The following NCOA6 variants were observed in gnomAD, a reference collection of about 807,000 sequenced individuals.
NCOA6 encodes NRC RAP250.
NCOA6 carries 49 observed loss-of-function variants against 171.4 expected under a neutral mutation model. The ratio of observed to expected loss-of-function variants is 0.29; its 90% CI spans 0.23 to 0.36. The LOEUF is 0.36. Ranked by LOEUF, NCOA6 falls within the 10% of genes least tolerant of loss-of-function variation. The pLI, the probability that NCOA6 is intolerant of heterozygous loss-of-function variation, is 1.00. For synonymous variants in NCOA6, 910 were observed against 927.5 expected (o/e 0.98, Z 0.34); for missense variants, 2,248 against 2,554.5 (o/e 0.88, Z 2.59).
At chr20:34,722,312 C>T (rs1011590336) in intron 14 of NCOA6, among the ~76,000 whole-genome samples, 3 of 151,100 alleles carry the variant, frequency 2.0e-5, no homozygotes, top group East Asian at 2.0e-4. Context: ...ACCTGGGAGG[C>T]GGAGGTTGCA....
rs758304075 is a variant in NCOA6 at position 34,743,235 on chromosome 20, T to G, written c.3021A>C (p.Pro1007=). 1.2e-5 allele frequency: 20 copies of G among 1,614,050 alleles called. No individual in the cohort carries two copies. Among genetic ancestry groups the G allele is most frequent in the Middle Eastern group, 1.7e-4 (1 of 6,056 alleles). The stretch of plus-strand genomic sequence containing the variant: ...GTGGCTGCTGCTGCTGAGGCAGTTG[T>G]GGCTGTGGCTGCTGCTGTGGTGGCT... The part of the protein sequence containing the change: ...PPQPPQQQPQ[P]QLPQQQQPPP... The change falls in exon 11 of 15, where the codon CCA becomes CCC. Residue 1007 remains proline, a synonymous_variant. Coordinates refer to ENST00000359003, the MANE Select transcript of NCOA6 (RefSeq NM_014071.5).
rs113681744 is a variant in NCOA6, at chr20:34,732,868, T to C, written c.5963-273A>G. ...AAGTTCACCCTTCCTTGTTCATATTTCATCCAGTTACAACCAGGTTAGCAA... is the reference window on the plus strand; with the variant it reads ...AAGTTCACCCTTCCTTGTTCATATTCCATCCAGTTACAACCAGGTTAGCAA... On this transcript the variant is annotated intron_variant, in intron 12 of 14. Coordinates refer to ENST00000359003, the MANE Select transcript of NCOA6 (RefSeq NM_014071.5). 4.2e-4 allele frequency: 122 copies of C among 288,872 alleles called. 2 individuals carry two copies. Among genetic ancestry groups the C allele is most frequent in the African/African-American group, 2.3e-3 (104 of 45,914 alleles). The allele number at this position is 288,872 out of a possible 1,614,324, so 17.9% of individuals were successfully genotyped here.
Position 34,740,529 on chromosome 20 carries a change from A to G in NCOA6, c.5727T>C (p.Ala1909=), listed in dbSNP as rs1374725857. 6.2e-7 allele frequency: 1 copy of G among 1,613,940 alleles called. No homozygotes were observed. The highest frequency in any genetic ancestry group is 8.5e-7 in the Non-Finnish European group (1 of 1,179,850). Residue 1909 remains alanine, a synonymous_variant, in exon 11 of 15, where the codon GCT becomes GCC. Coordinates refer to ENST00000359003, the MANE Select transcript of NCOA6 (RefSeq NM_014071.5). ...ASAGPSLPGG[A]LPTSVRSIVT... is the part of the protein sequence containing the mutation. ...CTATCGAGCGTACACTGGTGGGGAG[A>G]GCACCGCCAGGTAAGCTGGGTCCTG... is the stretch of plus-strand genomic sequence containing the variant.
At chr20:34,784,388 C>A (rs1364987985) in intron 2 of NCOA6, among the ~76,000 whole-genome samples, 1 of 152,014 alleles carries the variant, frequency 6.6e-6, no homozygotes, top group Non-Finnish European at 1.5e-5. Context: ...CCGTGCCCAG[C>A]TAATTTTTAA....
At chr20:34,785,688 T>C (rs74794522) in intron 2 of NCOA6, among the ~76,000 whole-genome samples, 25 of 152,138 alleles carry the variant, frequency 1.6e-4, no homozygotes, top group African/African-American at 5.8e-4. Flanking sequence ...CATCTTAAAA[T>C]CTAAGAAACA....
intron 13 of NCOA6, among the ~76,000 whole-genome samples, chr20:34,730,945 C>T (rs1028275343): frequency 6.6e-6 from 1 of 152,016 alleles, no homozygotes; most frequent in African/African-American, 2.4e-5. Context: ...GGGCTCAAGC[C>T]ATCTGCCTAC....
chr20:34,825,183 G>A (rs1005398403), intron 1 of NCOA6, among the ~76,000 whole-genome samples: 1 of 151,824 alleles, frequency 6.6e-6, no homozygotes, highest in African/African-American at 2.4e-5. Context: ...CTCCCTCAGT[G>A]CACCGGCCCC....
rs149996813 is a variant in NCOA6 at position 34,776,338 on chromosome 20, T to G, written c.346A>C (p.Asn116His). The change falls in exon 4 of 15, where the codon AAC becomes CAC. Residue 116 changes from asparagine (N) to histidine (H), a missense_variant. Transcript: ENST00000359003. ...ATCCCTAAATCCCGAAGCTGCTGGT[T>G]GTTGCTCTGAGCAAGGATCCGTAGC... ...ERLRILAQSN[N>H]QQLRDLGILS... 111 of 1,613,976 alleles carry G rather than the reference T, an allele frequency of 6.9e-5. No homozygotes were observed. Among genetic ancestry groups the G allele is most frequent in the Middle Eastern group, 1.6e-4 (1 of 6,084 alleles).
intron 2 of NCOA6, among the ~76,000 whole-genome samples, chr20:34,788,230 C>G (rs1006520957): frequency 4.7e-5 from 7 of 149,488 alleles, no homozygotes; most frequent in African/African-American, 1.5e-4. Flanking sequence ...GGCTGGAGTG[C>G]AGTGACACAT....
chr20:34,804,719 C>T (rs2078385757), intron 1 of NCOA6, among the ~76,000 whole-genome samples: 1 of 151,900 alleles, frequency 6.6e-6, no homozygotes, highest in Non-Finnish European at 1.5e-5. Context: ...TTTAATCACA[C>T]ATAACTGTAT....
At chr20:34,724,488 G>A (rs760882930) in intron 14 of NCOA6, among the ~76,000 whole-genome samples, 30 of 152,086 alleles carry the variant, frequency 2.0e-4, no homozygotes, top group Admixed American at 1.3e-4. Flanking sequence ...ATACTTGACC[G>A]TTTCTCAGCA....
chr20:34,818,405 G>C (rs2078907366), intron 1 of NCOA6, among the ~76,000 whole-genome samples: 1 of 151,976 alleles, frequency 6.6e-6, no homozygotes, highest in Admixed American at 6.6e-5. Context: ...AAAGAACACT[G>C]GGGGGAAAGA....
intron 2 of NCOA6, among the ~76,000 whole-genome samples, chr20:34,791,018 C>T (rs2077864491): frequency 6.6e-6 from 1 of 151,900 alleles, no homozygotes; most frequent in East Asian, 1.9e-4. Flanking sequence ...TGGTTGTGAG[C>T]GGGAGGTATA....
chr20:34,733,620 A>G (rs2075854624), intron 12 of NCOA6, among the ~76,000 whole-genome samples: 2 of 152,194 alleles, frequency 1.3e-5, no homozygotes, highest in African/African-American at 4.8e-5. Flanking sequence ...CCTGACACTT[A>G]GTCATAACTC....
At chr20:34,754,955 A>G in intron 7 of NCOA6, 87 bp from the exon 8 acceptor site, 1 of 1,395,508 alleles carries the variant, frequency 7.2e-7, no homozygotes. Flanking sequence ...GATGAGCTGC[A>G]TGAAGTCTCC....
At chr20:34,805,267 TCCTGGGCTCAAGCAATCCACCCA>T (rs1359829466) in intron 1 of NCOA6, among the ~76,000 whole-genome samples, 1 of 152,058 alleles carries the variant, frequency 6.6e-6, no homozygotes, top group African/African-American at 2.4e-5. Context: ...GATCTCAAAC[TCCTGGGCTCAAGCAATCCACCCA>T]CCTGGGCCTC....
At chr20:34,734,940 G>A (rs1169021921) in intron 12 of NCOA6, among the ~76,000 whole-genome samples, 3 of 152,032 alleles carry the variant, frequency 2.0e-5, no homozygotes, top group Non-Finnish European at 2.9e-5. Context: ...GAGCCACCGC[G>A]CCTGGCCTAG....
intron 13 of NCOA6, among the ~76,000 whole-genome samples, chr20:34,730,245 A>T (rs1241084759): frequency 2.0e-5 from 3 of 148,416 alleles, no homozygotes; most frequent in African/African-American, 4.9e-5. Flanking sequence ...ATTTTTTATT[A>T]ATTTTTTATT....
At chr20:34,746,727 T>C (rs1203653568) in intron 10 of NCOA6, 80 bp downstream of exon 10, 7 of 1,421,774 alleles carry the variant, frequency 4.9e-6, no homozygotes, top group Non-Finnish European at 6.6e-6. Flanking sequence ...TAAAATACTA[T>C]TGTTTCCTTG....
Sources: gnomAD v4.1 joint callset for allele counts (sites outside exome capture counted in the v4.1 genomes callset) on GRCh38, gnomAD v4.1.1 for gene constraint, MANE v1.5 for transcripts, NCBI Gene and HGNC (gene_info 2026-07-23, HGNC 2026-07-21) for gene names.